The following TRUB2 variants were observed in gnomAD, a reference collection of about 807,000 sequenced individuals.
TRUB2 encodes pseudouridylate synthase TRUB2, mitochondrial.
TRUB2 carries 31 observed loss-of-function variants against 31.9 expected under a neutral mutation model. The observed-to-expected ratio is 0.97, with a 90% CI of 0.73 to 1.31. The LOEUF is 1.31. TRUB2 is among the 50% of genes most tolerant of loss of function. The pLI, the probability that TRUB2 is intolerant of heterozygous loss-of-function variation, is 0.00. For synonymous variants in TRUB2, 201 were observed against 182.6 expected (o/e 1.10, Z -0.81); for missense variants, 451 against 439.6 (o/e 1.03, Z -0.23).
Position 128,321,757 on chromosome 9 carries a change from CACAT to C in TRUB2, c.110-31_110-28del, listed in dbSNP as rs778467613. The C allele has an allele frequency of 1.9e-6, 3 of 1,601,612 alleles. No individual in the cohort carries two copies. In the Admixed American group the frequency reaches 5.1e-5, roughly 27 times the overall value. On this transcript the variant is annotated intron_variant, in intron 1 of 7. Coordinates refer to ENST00000372890, the MANE Select transcript of TRUB2 (RefSeq NM_015679.3). The stretch of plus-strand genomic sequence containing the variant: ...TGAACACACAGAGATAATATATACA[CACAT>C]ACATACAAATATATGTACATATAAA...
intron 2 of TRUB2, 98 bp from the exon 3 acceptor site, chr9:128,317,324 G>A: frequency 1.8e-6 from 2 of 1,098,548 alleles, no homozygotes; most frequent in Non-Finnish European, 2.7e-6. Context: ...GGGCCTCATG[G>A]AGCCCAAACT....
At chr9:128,319,012 T>C (rs1832115211) in intron 2 of TRUB2, among the ~76,000 whole-genome samples, 1 of 151,714 alleles carries the variant, frequency 6.6e-6, no homozygotes, top group Non-Finnish European at 1.5e-5. Flanking sequence ...CAAAACCCCA[T>C]CTCTACAAAA....
At chr9:128,311,420 T>C in intron 6 of TRUB2, 109 bp downstream of exon 6, 1 of 1,135,734 alleles carries the variant, frequency 8.8e-7, no homozygotes. Context: ...CCCGTCTGGT[T>C]CTGGGCTCTA....
rs763098642 is a variant in TRUB2, at chr9:128,310,930, A to G, written c.627T>C (p.Thr209=). The G allele has an allele frequency of 6.2e-6, 10 of 1,614,130 alleles. No homozygotes were observed. The African/African-American group carries it at 8.0e-5, about 13-fold the overall frequency. Residue 209 remains threonine (T), a synonymous_variant, in exon 7 of 8, where the codon ACT becomes ACC. Transcript: ENST00000372890. ...GTGCAAAGTAGAGGCATCGGATGCCAGTTATCAGCATCGGGGACTTGTTCA... is the reference window on the plus strand; with the variant it reads ...GTGCAAAGTAGAGGCATCGGATGCCGGTTATCAGCATCGGGGACTTGTTCA... ...RPMNKSPMLI[T]GIRCLYFAPP...
intron 7 of TRUB2, among the ~76,000 whole-genome samples, chr9:128,310,083 C>T (rs1156867427): frequency 6.6e-6 from 1 of 152,062 alleles, no homozygotes; most frequent in African/African-American, 2.4e-5. Context: ...CCCACCGGGA[C>T]CTGCCAAGTC....
In TRUB2 at chr9:128,313,888, T is replaced by A; in HGVS notation, c.380A>T (p.Asp127Val). 4 of 1,614,048 alleles carry A rather than the reference T, an allele frequency of 2.5e-6. No individual in the cohort carries two copies. The highest frequency in any genetic ancestry group is 3.4e-6 in the Non-Finnish European group (4 of 1,179,934). The change falls in exon 5 of 8, where the codon GAT becomes GTT. Residue 127 changes from aspartate (D) to valine (V), a missense_variant and splice_region_variant. Asp to Val is a radical substitution (Grantham distance 152). Coordinates refer to ENST00000372890, the MANE Select transcript of TRUB2 (RefSeq NM_015679.3). ...GCCCAGGAGGCCACGCACTGTGTAA[T>A]CCTTCAAGGACAGGGAGGTAAAGAT... Reference protein sequence around the residue: ...TDMYNAHLTKDYTVRGLLGKA... With the variant: ...TDMYNAHLTKVYTVRGLLGKA...
Position 128,313,905 on chromosome 9 carries a change from G to C in TRUB2, c.379-16C>G. On this transcript the variant is annotated splice_polypyrimidine_tract_variant and intron_variant, in intron 4 of 7. Transcript: ENST00000372890. ...CTGTGTAATCCTTCAAGGACAGGGA[G>C]GTAAAGATCCGTCAGTGACCCCATT... The C allele has an allele frequency of 6.2e-7, 1 of 1,612,904 alleles. No homozygotes were observed. Among genetic ancestry groups the C allele is most frequent in the Non-Finnish European group, 8.5e-7 (1 of 1,179,048 alleles).
intron 4 of TRUB2, among the ~76,000 whole-genome samples, chr9:128,314,331 CG>C (rs1178703404): frequency 6.6e-6 from 1 of 152,066 alleles, no homozygotes; most frequent in Non-Finnish European, 1.5e-5. Flanking sequence ...TTTATCACCC[CG>C]AGCCCCTTCT....
intron 2 of TRUB2, among the ~76,000 whole-genome samples, chr9:128,320,254 T>C (rs1832140915): frequency 6.6e-6 from 1 of 151,810 alleles, no homozygotes; most frequent in Non-Finnish European, 1.5e-5. Flanking sequence ...CTGCAGCCTC[T>C]GAACTCCTGG....
chr9:128,315,621 G>A lies in TRUB2; in HGVS notation c.324C>T (p.Gly108=), dbSNP rs891805092. ...TGAGGAGCCTGCATCCATGTCCCAC[G>A]CCGAGCACTGAAAAGCAGCCAGCGT... ...DAQASGVLVL[G]VGHGCRLLTD... Residue 108 remains glycine (G), a synonymous_variant, in exon 4 of 8, where the codon GGC becomes GGT. Transcript: ENST00000372890. 11 of 1,613,204 alleles carry A rather than the reference G, an allele frequency of 6.8e-6. No homozygotes were observed. The highest frequency in any genetic ancestry group is 6.7e-5 in the East Asian group (3 of 44,852).
chr9:128,306,482 A>T lies in TRUB2; in HGVS notation c.*3068T>A. 1 of 145,294 alleles carries T rather than the reference A, an allele frequency of 6.9e-6. No homozygotes were observed. The highest frequency in any genetic ancestry group is 2.6e-5 in the African/African-American group (1 of 38,806). 9.0% of individuals were successfully genotyped at this position (145,294 alleles called of 1,614,324 possible). A position where few individuals can be genotyped will look rare whatever the true frequency, so the allele number is the denominator to read the frequency against. ...TTTTGAGACAGAGTCTCACTCTGTCACCTAGGCTGGAGTGCAGTGGCGCAA... is the reference window on the plus strand; with the variant it reads ...TTTTGAGACAGAGTCTCACTCTGTCTCCTAGGCTGGAGTGCAGTGGCGCAA... On this transcript the variant is annotated 3_prime_UTR_variant, in exon 8 of 8. Coordinates refer to ENST00000372890, the MANE Select transcript of TRUB2 (RefSeq NM_015679.3).
Position 128,321,693 on chromosome 9 carries a change from AC to A in TRUB2, c.146del (p.Arg49LeufsTer17), listed in dbSNP as rs760413664. On this transcript the variant is annotated frameshift_variant, in exon 2 of 8. Coordinates refer to ENST00000372890, the MANE Select transcript of TRUB2 (RefSeq NM_015679.3). LOFTEE classifies it high-confidence loss of function. ...CCATGGGGCCCAGCAAGAAGCGAAC[AC>A]GCTGTTTAGGAGCGGGAGGCTTCCT... Reference protein sequence around the residue: ...NARKPPAPKQRVRFLLGPMEG... With the variant: ...NARKPPAPKQXVRFLLGPMEG... 1.2e-6 allele frequency: 2 copies of A among 1,613,848 alleles called. No individual in the cohort carries two copies. The highest frequency in any genetic ancestry group is 2.2e-5 in the South Asian group (2 of 91,056).
intron 2 of TRUB2, among the ~76,000 whole-genome samples, chr9:128,319,373 C>A (rs925115229): frequency 7.9e-5 from 12 of 151,448 alleles, no homozygotes; most frequent in African/African-American, 2.7e-4. Flanking sequence ...TGCCTGTAGT[C>A]CCAGCTACTC....
In TRUB2 at chr9:128,308,429, G is replaced by A. The variant is rs1460931841; in HGVS notation, c.*1121C>T. ...GGCACCTGTAGTCCCAGCTACTCGG[G>A]AGGCTGAGGCAGGAGAATGGCGTGA... On this transcript the variant is annotated 3_prime_UTR_variant, in exon 8 of 8. Transcript: ENST00000372890. The A allele has an allele frequency of 6.6e-6, 1 of 152,294 alleles. No homozygotes were observed. Among genetic ancestry groups the A allele is most frequent in the Non-Finnish European group, 1.5e-5 (1 of 68,182 alleles). 9.4% of individuals were successfully genotyped at this position (152,294 alleles called of 1,614,324 possible). A position where few individuals can be genotyped will look rare whatever the true frequency, so the allele number is the denominator to read the frequency against.
chr9:128,315,647 C>T lies in TRUB2; in HGVS notation c.317-19G>A. The T allele has an allele frequency of 1.9e-6, 3 of 1,611,238 alleles. No individual in the cohort carries two copies. In the South Asian group the frequency reaches 3.3e-5, roughly 18 times the overall value. Reference sequence around the variant, plus strand: ...CCGAGCACTGAAAAGCAGCCAGCGTCATCTCACACCTGGGACCCCCTTCCC... The same window carrying T: ...CCGAGCACTGAAAAGCAGCCAGCGTTATCTCACACCTGGGACCCCCTTCCC... On this transcript the variant is annotated intron_variant, in intron 3 of 7. Coordinates refer to ENST00000372890, the MANE Select transcript of TRUB2 (RefSeq NM_015679.3).
Position 128,309,589 on chromosome 9 carries a change from C to T in TRUB2, c.957G>A (p.Pro319=), listed in dbSNP as rs376494829. ...SPGWSWDSQG[P]SSTLGLERGA... ...CCCTCTCCAGCCCCAAGGTAGAGCT[C>T]GGGCCCTGGGAGTCCCAGGACCATC... Residue 319 remains proline (P), a synonymous_variant, in exon 8 of 8, where the codon CCG becomes CCA. Coordinates refer to ENST00000372890, the MANE Select transcript of TRUB2 (RefSeq NM_015679.3). 8.7e-6 allele frequency: 14 copies of T among 1,613,586 alleles called. No homozygotes were observed. The highest frequency in any genetic ancestry group is 8.0e-5 in the African/African-American group (6 of 75,028).
At chr9:128,312,022 CA>C (rs2131444516) in intron 5 of TRUB2, among the ~76,000 whole-genome samples, 1 of 151,088 alleles carries the variant, frequency 6.6e-6, no homozygotes, top group Non-Finnish European at 1.5e-5. Flanking sequence ...TTTTTAGTAG[CA>C]AGGGGGTTTC....
intron 2 of TRUB2, among the ~76,000 whole-genome samples, chr9:128,319,110 A>C (rs1251403149): frequency 1.3e-5 from 2 of 151,852 alleles, no homozygotes; most frequent in African/African-American, 4.8e-5. Context: ...GTGGATCACG[A>C]GGTCAGGAGA....
At chr9:128,313,241 G>T (rs1165722468) in intron 5 of TRUB2, among the ~76,000 whole-genome samples, 1 of 141,782 alleles carries the variant, frequency 7.1e-6, no homozygotes, top group East Asian at 2.1e-4. Context: ...AAAAGAAAAG[G>T]AAAGGCTGGG....
Sources: allele counts gnomAD v4.1 joint callset (sites outside exome capture counted in the v4.1 genomes callset), GRCh38; gene constraint gnomAD v4.1.1; transcripts MANE v1.5; gene names NCBI Gene and HGNC (gene_info 2026-07-23, HGNC 2026-07-21).